ADAM12: variants seen among roughly 807,000 people sequenced by gnomAD.
The protein encoded by ADAM12 is ADAM metallopeptidase domain 12, also known as disintegrin and metalloproteinase domain-containing protein 12.
Under a neutral mutation model 106.4 loss-of-function variants are expected in ADAM12, and 70 were observed. The observed-to-expected ratio is 0.66, with a 90% confidence interval of 0.54 to 0.80. ADAM12 has a LOEUF of 0.80. ADAM12 is among the 30% of genes least tolerant of loss of function. The pLI, the probability that ADAM12 is intolerant of heterozygous loss-of-function variation, is 0.00. For missense variants in ADAM12, 1,010 were observed against 1,171.9 expected, an observed-to-expected ratio of 0.86 and a Z score of 2.02; for synonymous variants, 420 against 433.5, an observed-to-expected ratio of 0.97 and a Z score of 0.39.
intron 1 of ADAM12, among the ~76,000 whole-genome samples, chr10:126,373,835 T>A (rs990472493): frequency 6.6e-6 from 1 of 152,166 alleles, no homozygotes; most frequent in African/African-American, 2.4e-5. Context: ...AGCCAGAGCA[T>A]CCACCCACTG....
chr10:126,156,746 G>A (rs11244847), intron 3 of ADAM12, among the ~76,000 whole-genome samples: 27,827 of 152,222 alleles, frequency 0.18, 2,966 homozygotes, highest in South Asian at 0.4. Context: ...CCTAACGATG[G>A]AGCAGGAGTC....
At chr10:126,112,748 C>T (rs1955893832) in intron 6 of ADAM12, among the ~76,000 whole-genome samples, 1 of 152,150 alleles carries the variant, frequency 6.6e-6, no homozygotes, top group Admixed American at 6.5e-5. Context: ...ATGCTATCTA[C>T]CAGGGATGCT....
chr10:126,311,102 C>CACACACACACACACACACACACACAAAT (rs1961072159), intron 2 of ADAM12, among the ~76,000 whole-genome samples: 3 of 126,900 alleles, frequency 2.4e-5, no homozygotes, highest in Non-Finnish European at 4.8e-5. Context: ...AATACACACA[C>CACACACACACACACACACACACACAAAT]ACACACACAC....
At chr10:126,082,363 G>T (rs78216669) in intron 11 of ADAM12, among the ~76,000 whole-genome samples, 106 of 80,746 alleles carry the variant, frequency 1.3e-3, no homozygotes, top group Admixed American at 2.6e-3. Flanking sequence ...TCTAATGACT[G>T]TTTTTTTTTT....
At chr10:126,385,150 G>A (rs1188194270) in intron 1 of ADAM12, among the ~76,000 whole-genome samples, 3 of 152,210 alleles carry the variant, frequency 2.0e-5, no homozygotes, top group Non-Finnish European at 2.9e-5. Flanking sequence ...CAGAGAATGT[G>A]GAAAGGGATA....
intron 3 of ADAM12, among the ~76,000 whole-genome samples, chr10:126,265,788 A>G (rs1309480159): frequency 6.6e-6 from 1 of 152,340 alleles, no homozygotes; most frequent in Admixed American, 6.5e-5. Flanking sequence ...AAAAGGAAGG[A>G]TAGGGAACCT....
At chr10:126,258,201 C>T (rs1341266914) in intron 3 of ADAM12, among the ~76,000 whole-genome samples, 28 of 152,176 alleles carry the variant, frequency 1.8e-4, no homozygotes, top group Admixed American at 6.6e-5. Flanking sequence ...ATTCAGATTG[C>T]TTTCTGCACT....
At chr10:126,212,702 G>A (rs1163520033) in intron 3 of ADAM12, among the ~76,000 whole-genome samples, 2 of 152,152 alleles carry the variant, frequency 1.3e-5, no homozygotes, top group Non-Finnish European at 2.9e-5. Context: ...ATGAGCATTT[G>A]AATTCTTCTG....
chr10:126,252,101 TTGGATGGATGGATGGGATGGA>T (rs1958791991), intron 3 of ADAM12, among the ~76,000 whole-genome samples: 1 of 42,184 alleles, frequency 2.4e-5, no homozygotes, highest in Non-Finnish European at 5.4e-5. Flanking sequence ...ATGGGATGGA[TTGGATGGATGGATGGGATGGA>T]TGGATGGATG....
At chr10:126,197,896 C>T (rs554033495) in intron 3 of ADAM12, among the ~76,000 whole-genome samples, 2 of 152,242 alleles carry the variant, frequency 1.3e-5, no homozygotes, top group South Asian at 2.1e-4. Context: ...GCGGGTGGTA[C>T]GTGGAAGGCC....
chr10:126,156,957 G>T (rs1486444764), intron 3 of ADAM12, among the ~76,000 whole-genome samples: 1 of 152,134 alleles, frequency 6.6e-6, no homozygotes, highest in Non-Finnish European at 1.5e-5. Context: ...TGGTGAAGGT[G>T]CTGCCTGCCC....
intron 3 of ADAM12, among the ~76,000 whole-genome samples, chr10:126,218,329 C>T (rs1565146045): frequency 3.3e-5 from 5 of 152,134 alleles, no homozygotes; most frequent in African/African-American, 9.7e-5. Context: ...ATGTTGTTCA[C>T]CTAACTCCAC....
intron 2 of ADAM12, among the ~76,000 whole-genome samples, chr10:126,320,837 A>C (rs1854069127): frequency 6.6e-6 from 1 of 152,248 alleles, no homozygotes; most frequent in Non-Finnish European, 1.5e-5. Context: ...TCACAAATGA[A>C]CTACACAAAG....
chr10:126,095,533 C>CAAAA (rs11396229), intron 10 of ADAM12, among the ~76,000 whole-genome samples: 3 of 46,554 alleles, frequency 6.4e-5, no homozygotes, highest in African/African-American at 1.2e-4. Context: ...GACTCTGTCT[C>CAAAA]AAAAAAAAAA....
At chr10:126,386,363 T>C (rs181448322) in intron 1 of ADAM12, among the ~76,000 whole-genome samples, 1 of 152,326 alleles carries the variant, frequency 6.6e-6, no homozygotes, top group African/African-American at 2.4e-5. Context: ...CTCTTGCCAA[T>C]GCAAAGAAAT....
In ADAM12 at chr10:126,053,389, A is replaced by G. The variant is rs1248954018; in HGVS notation, c.1610-3720T>C. Among the ~76,000 whole-genome samples the G allele has an allele frequency of 6.6e-6, 1 of 152,200 alleles. No individual in the cohort carries two copies. The highest frequency in any genetic ancestry group is 6.5e-5 in the Admixed American group (1 of 15,284). ...GTGGAGCAGCACAGCTCAGAAAACC[A>G]GGTGTGTGTAAGATGCAATGCCTTG... On this transcript the variant is annotated intron_variant, in intron 14 of 22. Transcript: ENST00000448723. The surrounding 1 kb of genome is among the most constrained non-coding windows in gnomAD (Gnocchi z 4.6).
intron 1 of ADAM12, among the ~76,000 whole-genome samples, chr10:126,342,919 AG>A (rs1171421534): frequency 8.8e-6 from 1 of 113,916 alleles, no homozygotes; most frequent in Admixed American, 9.9e-5. Flanking sequence ...GGGAGGGTGG[AG>A]GGGTGGGGCA....
chr10:126,118,695 T>C (rs1012188736), intron 5 of ADAM12, among the ~76,000 whole-genome samples: 12 of 152,232 alleles, frequency 7.9e-5, no homozygotes, highest in Non-Finnish European at 1.6e-4. Flanking sequence ...TCTAGGATTT[T>C]AGTGCACCTG....
intron 2 of ADAM12, among the ~76,000 whole-genome samples, chr10:126,315,994 G>T (rs572878024): frequency 1.3e-5 from 2 of 152,304 alleles, no homozygotes; most frequent in South Asian, 4.1e-4. Flanking sequence ...CAATGCAAAC[G>T]CATTCCTATT....
Sources: gnomAD v4.1 joint callset for allele counts (sites outside exome capture counted in the v4.1 genomes callset) on GRCh38, gnomAD v4.1.1 for gene constraint, Gnocchi (gnomAD v3.1) non-coding constraint, MANE v1.5 for transcripts, NCBI Gene and HGNC (gene_info 2026-07-23, HGNC 2026-07-21) for gene names.